The following MYO1E variants were observed in gnomAD, a reference collection of about 807,000 sequenced individuals.
MYO1E encodes the protein myosin IE.
MYO1E carries 68 observed loss-of-function variants against 151.1 expected under a neutral mutation model. That is an observed-to-expected ratio of 0.45 (90% CI 0.37 to 0.55). The LOEUF is 0.55. Among genes scored for constraint, MYO1E ranks in the 20% least tolerant of loss-of-function variants. The pLI, the probability that MYO1E is intolerant of heterozygous loss-of-function variation, is 0.00. For synonymous variants in MYO1E, 601 were observed against 501.7 expected (o/e 1.20, Z -2.64); for missense variants, 1,363 against 1,389.3 (o/e 0.98, Z 0.30).
chr15:59,217,148 G>A (rs1395148929), intron 10 of MYO1E, among the ~76,000 whole-genome samples: 1 of 152,108 alleles, frequency 6.6e-6, no homozygotes, highest in African/African-American at 2.4e-5. Context: ...GAACCACCAA[G>A]CTCAGCCGAT....
chr15:59,218,719 G>A (rs2079935185), intron 9 of MYO1E, among the ~76,000 whole-genome samples: 1 of 152,230 alleles, frequency 6.6e-6, no homozygotes, highest in African/African-American at 2.4e-5. Context: ...AACACAGACA[G>A]ACAAGATCTG....
intron 1 of MYO1E, among the ~76,000 whole-genome samples, chr15:59,304,504 A>G (rs2080503099): frequency 1.3e-5 from 2 of 152,234 alleles, no homozygotes; most frequent in African/African-American, 4.8e-5. Flanking sequence ...TATAGGTGCT[A>G]CTAGAAAAAG....
rs201392532 is a variant in MYO1E, at chr15:59,202,280, C to G, written c.1698+46G>C. ...GGTGCAGTTCCTTACTCCTAGAAAG[C>G]GCTAGCCCTTATAAGAATCTATAAA... On this transcript the variant is annotated intron_variant, in intron 16 of 27. Coordinates refer to ENST00000288235, the MANE Select transcript of MYO1E (RefSeq NM_004998.4). 3.2e-6 allele frequency: 5 copies of G among 1,542,818 alleles called. No homozygotes were observed. The African/African-American group carries it at 5.4e-5, about 17-fold the overall frequency.
intron 22 of MYO1E, 87 bp downstream of exon 22, chr15:59,171,810 C>T (rs2079596321): frequency 3.8e-6 from 6 of 1,567,886 alleles, no homozygotes; most frequent in Non-Finnish European, 5.3e-6. Flanking sequence ...GAAGCCCAGC[C>T]CGGCCTTCCT....
intron 4 of MYO1E, among the ~76,000 whole-genome samples, chr15:59,245,858 G>A (rs911882563): frequency 1.3e-5 from 2 of 152,232 alleles, no homozygotes; most frequent in African/African-American, 2.4e-5. Flanking sequence ...GTGATGGAGA[G>A]ATGGTAGAGA....
chr15:59,182,742 T>C (rs2079671323), intron 18 of MYO1E, among the ~76,000 whole-genome samples: 1 of 152,172 alleles, frequency 6.6e-6, no homozygotes. Context: ...CAGCATGGAA[T>C]CATGAAGCTG....
chr15:59,190,159 G>A (rs1218542477), intron 17 of MYO1E, among the ~76,000 whole-genome samples: 2 of 152,232 alleles, frequency 1.3e-5, no homozygotes, highest in Non-Finnish European at 2.9e-5. Flanking sequence ...GCTGCGTGCT[G>A]CGCGAGCTGG....
At chr15:59,193,196 C>A (rs745834602) in intron 17 of MYO1E, among the ~76,000 whole-genome samples, 1 of 152,170 alleles carries the variant, frequency 6.6e-6, no homozygotes, top group Admixed American at 6.5e-5. Flanking sequence ...ATCAGAAACT[C>A]GGGATGGAGC....
intron 22 of MYO1E, among the ~76,000 whole-genome samples, chr15:59,165,637 A>G (rs2079559388): frequency 6.6e-6 from 1 of 152,182 alleles, no homozygotes. Flanking sequence ...AGTGCCTGGG[A>G]ACAAACACCT....
chr15:59,156,471 C>T (rs149782005), intron 25 of MYO1E, among the ~76,000 whole-genome samples: 149 of 152,338 alleles, frequency 9.8e-4, no homozygotes, highest in African/African-American at 3.2e-3. Context: ...AGGCATGAGC[C>T]ACTGCGCCTG....
At position 59,206,731 on chromosome 15, in the gene MYO1E, A is replaced by G. The variant is rs2079836508; in HGVS notation, c.1531-1246T>C. On this transcript the variant is annotated intron_variant, in intron 14 of 27. Transcript: ENST00000288235. ...TCCAGAAATCACTTGCTAGAGAAGC[A>G]GCCCTTCACTGCCTTAGTCTGAGCA... 5 of 557,094 alleles carry G rather than the reference A, an allele frequency of 9.0e-6. No homozygotes were observed. The East Asian group carries it at 1.5e-4, about 16-fold the overall frequency. The allele number at this position is 557,094 out of a possible 1,614,324, so 34.5% of individuals were successfully genotyped here.
intron 1 of MYO1E, among the ~76,000 whole-genome samples, chr15:59,298,007 T>A (rs1176999128): frequency 6.6e-6 from 1 of 152,208 alleles, no homozygotes; most frequent in Non-Finnish European, 1.5e-5. Flanking sequence ...TCTAGGCAAA[T>A]AATTTTGTGT....
chr15:59,246,722 G>A lies in MYO1E; in HGVS notation c.332+9562C>T, dbSNP rs1352763217. On this transcript the variant is annotated intron_variant, in intron 4 of 27. Transcript: ENST00000288235. ...GCCATAGAGAACCATGAAAAGAAGGGGAAGACTGAGCTCTGGCCCCCAGAC... is the reference window on the plus strand; with the variant it reads ...GCCATAGAGAACCATGAAAAGAAGGAGAAGACTGAGCTCTGGCCCCCAGAC... Among the ~76,000 whole-genome samples, 4 of 152,136 alleles carry A rather than the reference G, an allele frequency of 2.6e-5. 1 individual carries two copies. In the South Asian group the frequency reaches 8.3e-4, roughly 32 times the overall value.
chr15:59,348,199 A>AC (rs2080805015), intron 1 of MYO1E, among the ~76,000 whole-genome samples: 1 of 151,258 alleles, frequency 6.6e-6, no homozygotes, highest in African/African-American at 2.4e-5. Context: ...CAGCGATGAA[A>AC]CCCCCCAGGT....
At chr15:59,225,254 T>C (rs1171431152) in intron 7 of MYO1E, among the ~76,000 whole-genome samples, 2 of 152,190 alleles carry the variant, frequency 1.3e-5, no homozygotes, top group Admixed American at 6.5e-5. Flanking sequence ...GACTGTGAAC[T>C]TCTCCAAGCT....
rs79317338 is a variant in MYO1E at position 59,178,712 on chromosome 15, C to T, written c.1905-175G>A. Among the ~76,000 whole-genome samples, 2,136 of 152,310 alleles carry T rather than the reference C, an allele frequency of 0.014. 53 individuals are homozygous for T. The highest frequency in any genetic ancestry group is 0.048 in the African/African-American group (2,003 of 41,554). On this transcript the variant is annotated intron_variant, in intron 18 of 27. Coordinates refer to ENST00000288235, the MANE Select transcript of MYO1E (RefSeq NM_004998.4). ...TGGACTGCGATGACTGCAAAAATCC[C>T]GAGTCTGGGATGCTCGTTCCCGAGC...
intron 22 of MYO1E, among the ~76,000 whole-genome samples, chr15:59,170,553 A>G (rs2079586832): frequency 6.6e-6 from 1 of 152,102 alleles, no homozygotes; most frequent in Non-Finnish European, 1.5e-5. Flanking sequence ...ATGTTTAGGA[A>G]GGCCTTCAGA....
chr15:59,241,007 G>A (rs2080096508), intron 4 of MYO1E, among the ~76,000 whole-genome samples: 1 of 152,212 alleles, frequency 6.6e-6, no homozygotes, highest in Non-Finnish European at 1.5e-5. Context: ...TGTGGGTATG[G>A]CTTTAGGGAT....
chr15:59,191,282 C>T (rs1387816294), intron 17 of MYO1E, among the ~76,000 whole-genome samples: 2 of 146,792 alleles, frequency 1.4e-5, no homozygotes, highest in African/African-American at 2.6e-5. Flanking sequence ...AGTGAAACCC[C>T]GTCTGTACTA....
Sources: gnomAD v4.1 joint callset for allele counts (sites outside exome capture counted in the v4.1 genomes callset) on GRCh38, gnomAD v4.1.1 for gene constraint, MANE v1.5 for transcripts, NCBI Gene and HGNC (gene_info 2026-07-23, HGNC 2026-07-21) for gene names.